The following PROZ variants were observed in gnomAD, a reference collection of about 807,000 sequenced individuals.
The protein encoded by PROZ is vitamin K-dependent protein Z.
PROZ carries 46 observed loss-of-function variants against 34.9 expected under a neutral mutation model. The ratio of observed to expected loss-of-function variants is 1.32; its 90% CI spans 1.04 to 1.69. PROZ has a LOEUF of 1.69. Among genes scored for constraint, PROZ ranks in the 40% most tolerant of loss-of-function variants. PROZ has a pLI of 0.00. For synonymous variants in PROZ, 195 were observed against 208.5 expected, an observed-to-expected ratio of 0.94 and a Z score of 0.56; for missense variants, 530 against 520.4, an observed-to-expected ratio of 1.02 and a Z score of -0.18.
At chr13:113,163,587 A>C (rs1209550745) in intron 4 of PROZ, among the ~76,000 whole-genome samples, 1 of 152,128 alleles carries the variant, frequency 6.6e-6, no homozygotes, top group Admixed American at 6.5e-5. Flanking sequence ...CCACTGGTCA[A>C]CTTGGAGCCC....
At position 113,172,346 on chromosome 13, in the gene PROZ, C is replaced by T. The variant is rs747927642; in HGVS notation, c.*241C>T. ...AGACCTTAAAAGAAAACATGAGATA[C>T]GTTAAATAATAAAATAAGATAATCT... is the stretch of plus-strand genomic sequence containing the variant. On this transcript the variant is annotated 3_prime_UTR_variant, in exon 8 of 8. Coordinates refer to ENST00000375547, the MANE Select transcript of PROZ (RefSeq NM_003891.3). 5 of 555,926 alleles carry T rather than the reference C, an allele frequency of 9.0e-6. No homozygotes were observed. The highest frequency in any genetic ancestry group is 1.9e-5 in the African/African-American group (1 of 52,956). The allele number at this position is 555,926 out of a possible 1,614,324, so 34.4% of individuals were successfully genotyped here. A position where few individuals can be genotyped will look rare whatever the true frequency, so the allele number is the denominator to read the frequency against.
rs138199467 is a variant in PROZ at position 113,168,210 on chromosome 13, G to A, written c.574-2203G>A. 3.9e-5 allele frequency among the ~76,000 whole-genome samples: 6 copies of A among 152,348 alleles called. No individual in the cohort carries two copies. In the East Asian group the frequency reaches 1.2e-3, roughly 29 times the overall value. The stretch of plus-strand genomic sequence containing the variant: ...AGGAAAAAAACCTTACATATATAGT[G>A]GAATGCGGATAAATATTTAATGGGA... On this transcript the variant is annotated intron_variant, in intron 6 of 7. Transcript: ENST00000375547.
chr13:113,170,555 A>G, intron 7 of PROZ, 25 bp downstream of exon 7: 2 of 1,347,360 alleles, frequency 1.5e-6, no homozygotes, highest in South Asian at 1.2e-5. Context: ...ATGAGTTTTT[A>G]TAAAACCACA....
At position 113,163,118 on chromosome 13, in the gene PROZ, G is replaced by A; in HGVS notation, c.369G>A (p.Glu123=). The change falls in exon 4 of 8, where the codon GAG becomes GAA. Residue 123 remains glutamate, a synonymous_variant. Coordinates refer to ENST00000375547, the MANE Select transcript of PROZ (RefSeq NM_003891.3). ...CCGGCTATGAGGGCAGCAACTGCGAGCTGGGTGAGGCCCCGGCCGTCCCCT... is the reference window on the plus strand; with the variant it reads ...CCGGCTATGAGGGCAGCAACTGCGAACTGGGTGAGGCCCCGGCCGTCCCCT... The part of the protein sequence containing the change: ...CSPGYEGSNC[E]LAKNECHPER... 1 of 1,550,706 alleles carries A rather than the reference G, an allele frequency of 6.4e-7. No homozygotes were observed. The highest frequency in any genetic ancestry group is 1.2e-5 in the South Asian group (1 of 84,094).
chr13:113,171,912 C>T lies in PROZ; in HGVS notation c.1010C>T (p.Thr337Ile). 1 of 1,613,760 alleles carries T rather than the reference C, an allele frequency of 6.2e-7. No individual in the cohort carries two copies. Among genetic ancestry groups the T allele is most frequent in the Non-Finnish European group, 8.5e-7 (1 of 1,180,038 alleles). The change falls in exon 8 of 8, where the codon ACC (threonine) becomes ATC (isoleucine). Residue 337 changes from threonine (T) to isoleucine (I), a missense_variant. By Grantham distance (89) the Thr-to-Ile change is moderately conservative. Transcript: ENST00000375547. The surrounding 1 kb of genome is among the most constrained non-coding windows in gnomAD (Gnocchi z 5.1). Reference sequence around the variant, plus strand: ...CAGGTCCTGAATGTGACTGTCACCACCAGGACCTACTGTGAGAGAAGCAGC... The same window carrying T: ...CAGGTCCTGAATGTGACTGTCACCATCAGGACCTACTGTGAGAGAAGCAGC... ...CGQVLNVTVTTRTYCERSSVA... is the reference protein window; with the variant it reads ...CGQVLNVTVTIRTYCERSSVA...
chr13:113,170,508 C>A lies in PROZ; in HGVS notation c.669C>A (p.His223Gln), dbSNP rs1479185585. 3.2e-6 allele frequency: 5 copies of A among 1,587,004 alleles called. No individual in the cohort carries two copies. The highest frequency in any genetic ancestry group is 1.7e-6 in the Non-Finnish European group (2 of 1,155,448). ...CAACAGCAAAATGTTCACTGTTACA[C>A]AGGAATATTACTGTAAAAACATGTA... The part of the protein sequence containing the change: ...VLTTAKCSLL[H>Q]RNITVKTYFN... The change falls in exon 7 of 8, where the codon CAC becomes CAA. Residue 223 changes from histidine (H) to glutamine (Q), a missense_variant. His to Gln is a conservative substitution (Grantham distance 24, BLOSUM62 0). Transcript: ENST00000375547.
intron 3 of PROZ, among the ~76,000 whole-genome samples, chr13:113,161,541 C>A (rs1331484274): frequency 6.6e-6 from 1 of 152,148 alleles, no homozygotes; most frequent in Non-Finnish European, 1.5e-5. Context: ...ACGGGGACAA[C>A]TGGGCACAGA....
At chr13:113,164,379 GACCAACAC>G in intron 4 of PROZ, 126 bp from the exon 5 acceptor site, 2 of 1,003,532 alleles carry the variant, frequency 2.0e-6, no homozygotes, top group Non-Finnish European at 3.0e-6. Context: ...AGAACACATG[GACCAACAC>G]ACCAGAACTC....
At chr13:113,160,488 T>C (rs573566229) in intron 2 of PROZ, among the ~76,000 whole-genome samples, 1 of 152,300 alleles carries the variant, frequency 6.6e-6, no homozygotes, top group East Asian at 1.9e-4. Flanking sequence ...GTCTGAATAA[T>C]TCTCCTAATT....
At chr13:113,160,620 G>T (rs1345778569) in intron 2 of PROZ, among the ~76,000 whole-genome samples, 1 of 152,220 alleles carries the variant, frequency 6.6e-6, no homozygotes, top group Non-Finnish European at 1.5e-5. Context: ...TGCTTTTGTG[G>T]AGGGTGGCGT....
At position 113,171,980 on chromosome 13, in the gene PROZ, G is replaced by C. The variant is rs1180519104; in HGVS notation, c.1078G>C (p.Glu360Gln). ...GATGGATGGAAGTGTGGTCACCAGA[G>C]AACACAGAGGCTCCTGGTTTCTCAC... ...HWMDGSVVTR[E>Q]HRGSWFLTGV... is the part of the protein sequence containing the mutation. Residue 360 changes from glutamate (E) to glutamine (Q), a missense_variant, in exon 8 of 8, where the codon GAA becomes CAA. Transcript: ENST00000375547. This position sits in a 1 kb window ranked among gnomAD's most constrained non-coding sequence, Gnocchi z 5.1. 5 of 1,613,324 alleles carry C rather than the reference G, an allele frequency of 3.1e-6. No individual in the cohort carries two copies. In the African/African-American group the frequency reaches 6.7e-5, roughly 22 times the overall value.
At chr13:113,166,632 C>T (rs1472281144) in intron 6 of PROZ, among the ~76,000 whole-genome samples, 1 of 152,216 alleles carries the variant, frequency 6.6e-6, no homozygotes, top group African/African-American at 2.4e-5. Flanking sequence ...TGATGGAAGG[C>T]GGGGATGGAA....
At chr13:113,168,738 C>CT (rs1555398337) in intron 6 of PROZ, among the ~76,000 whole-genome samples, 2 of 151,990 alleles carry the variant, frequency 1.3e-5, no homozygotes, top group African/African-American at 4.8e-5. Flanking sequence ...TCATAATTTT[C>CT]TTTTTTTTGA....
chr13:113,165,019 G>A, intron 5 of PROZ, 34 bp from the exon 6 acceptor site: 1 of 1,608,464 alleles, frequency 6.2e-7, no homozygotes, highest in Non-Finnish European at 8.5e-7. Flanking sequence ...AGAAGGCGCT[G>A]ATTTTTATTC....
In PROZ at chr13:113,165,067, G is replaced by A. The variant is rs772749616; in HGVS notation, c.520G>A (p.Gly174Arg). The A allele has an allele frequency of 1.5e-5, 25 of 1,613,330 alleles. No individual in the cohort carries two copies. Among genetic ancestry groups the A allele is most frequent in the East Asian group, 2.2e-5 (1 of 44,880 alleles). Reference protein sequence around the residue: ...QCVPHDQCACGVLTSEKRAPD... With the variant: ...QCVPHDQCACRVLTSEKRAPD... ...CGCAAATGCAGACCAGTGTGCCTGCGGGGTGCTGACCTCTGAGAAGCGTGC... is the reference window on the plus strand; with the variant it reads ...CGCAAATGCAGACCAGTGTGCCTGCAGGGTGCTGACCTCTGAGAAGCGTGC... The change falls in exon 6 of 8, where the codon GGG becomes AGG. Residue 174 changes from glycine to arginine, a missense_variant. Physicochemically the swap from Gly to Arg is moderately radical, Grantham distance 125. Transcript: ENST00000375547.
chr13:113,163,231 C>T, intron 4 of PROZ, 109 bp downstream of exon 4: 1 of 925,300 alleles, frequency 1.1e-6, no homozygotes, highest in Non-Finnish European at 1.7e-6. Context: ...CATGAAGGTG[C>T]CTGTGTGAAC....
In PROZ at chr13:113,163,912, G is replaced by A. The variant is rs1201071939; in HGVS notation, c.374-601G>A. On this transcript the variant is annotated intron_variant, in intron 4 of 7. Transcript: ENST00000375547. ...GCAAGCCGGCAGACAAAACAGGCGC[G>A]TGGATTAGTCCATGTGGAAAAAGGA... Among the ~76,000 whole-genome samples, 6 of 151,358 alleles carry A rather than the reference G, an allele frequency of 4.0e-5. No homozygotes were observed. The South Asian group carries it at 6.3e-4, about 16-fold the overall frequency.
In PROZ at chr13:113,158,850, G is replaced by C. The variant is rs2036708491; in HGVS notation, c.70+120G>C. The C allele has an allele frequency of 1.0e-6, 1 of 983,306 alleles. No individual in the cohort carries two copies. 60.9% of individuals were successfully genotyped at this position (983,306 alleles called of 1,614,324 possible). ...AGAGGAGCCCTGAGTGCCCAGACTA[G>C]TCTTAATTCCCCTGAAAAAGCTGTT... On this transcript the variant is annotated intron_variant, in intron 1 of 7. Transcript: ENST00000375547. This position sits in a 1 kb window ranked among gnomAD's most constrained non-coding sequence, Gnocchi z 4.3.
At position 113,159,307 on chromosome 13, in the gene PROZ, C is replaced by T. The variant is rs1475262371; in HGVS notation, c.70+577C>T. 1 of 1,499,758 alleles carries T rather than the reference C, an allele frequency of 6.7e-7. No individual in the cohort carries two copies. Among genetic ancestry groups the T allele is most frequent in the Admixed American group, 2.0e-5 (1 of 50,926 alleles). The allele number at this position is 1,499,758 out of a possible 1,614,324, so 92.9% of individuals were successfully genotyped here. On this transcript the variant is annotated intron_variant, in intron 1 of 7. Coordinates refer to ENST00000375547, the MANE Select transcript of PROZ (RefSeq NM_003891.3). This position sits in a 1 kb window ranked among gnomAD's most constrained non-coding sequence, Gnocchi z 4.6. ...GCATCCCCGCTGGCCCCATGGTCTCCCGCTGGCCCCATGGTCTCCCACCCT... is the reference window on the plus strand; with the variant it reads ...GCATCCCCGCTGGCCCCATGGTCTCTCGCTGGCCCCATGGTCTCCCACCCT...
Sources: gnomAD v4.1 joint callset for allele counts (sites outside exome capture counted in the v4.1 genomes callset) on GRCh38, gnomAD v4.1.1 for gene constraint, Gnocchi (gnomAD v3.1) non-coding constraint, MANE v1.5 for transcripts, NCBI Gene and HGNC (gene_info 2026-07-23, HGNC 2026-07-21) for gene names.